Variants in FOXN2 observed in about 807,000 individuals in gnomAD.
FOXN2 encodes the protein forkhead box protein N2.
A neutral mutation model predicts 41.2 loss-of-function variants in FOXN2; 19 were observed. That is an observed-to-expected ratio of 0.46 (90% CI 0.32 to 0.68). The LOEUF (loss-of-function observed/expected upper bound fraction) is 0.68, where lower values mean the gene tolerates loss of function less well. Ranked by LOEUF, FOXN2 falls within the 30% of genes least tolerant of loss-of-function variation. The pLI is 0.03. For missense variants in FOXN2, 587 were observed against 509.4 expected (o/e 1.15, Z -1.47); for synonymous variants, 195 against 176.8 (o/e 1.10, Z -0.82).
rs750916063 is a variant in FOXN2, at chr2:48,375,202, A to G, written c.1055A>G (p.Asp352Gly). The G allele has an allele frequency of 3.1e-6, 5 of 1,614,176 alleles. No individual in the cohort carries two copies. In the South Asian group the frequency reaches 5.5e-5, roughly 18 times the overall value. Residue 352 changes from aspartate to glycine, a missense_variant, in exon 7 of 7, where the codon GAT (aspartate) becomes GGT (glycine). Physicochemically the swap from Asp to Gly is moderately conservative, Grantham distance 94. Coordinates refer to ENST00000340553, the MANE Select transcript of FOXN2 (RefSeq NM_002158.4). Reference protein sequence around the residue: ...DGSEGFHSEEDTDVDYEDDPL... With the variant: ...DGSEGFHSEEGTDVDYEDDPL... ...AGTGAAGGATTTCACAGTGAAGAAG[A>G]TACAGACGTTGATTATGAAGATGAT...
chr2:48,324,122 A>G (rs564359345), intron 1 of FOXN2, among the ~76,000 whole-genome samples: 6 of 152,274 alleles, frequency 3.9e-5, no homozygotes, highest in Admixed American at 3.3e-4. Flanking sequence ...GAAAGTGAAA[A>G]GGTCACAAAG....
At chr2:48,326,142 G>A (rs1046602223) in intron 1 of FOXN2, among the ~76,000 whole-genome samples, 1 of 152,142 alleles carries the variant, frequency 6.6e-6, no homozygotes, top group Non-Finnish European at 1.5e-5. Flanking sequence ...GAGCCACCGT[G>A]CCCGGCCTTC....
At chr2:48,325,258 A>G (rs1223339592) in intron 1 of FOXN2, among the ~76,000 whole-genome samples, 2 of 152,244 alleles carry the variant, frequency 1.3e-5, no homozygotes, top group Non-Finnish European at 2.9e-5. Context: ...TGCATATAAA[A>G]TAGACACTAA....
chr2:48,366,887 G>A (rs897044796), intron 5 of FOXN2, among the ~76,000 whole-genome samples: 2 of 151,244 alleles, frequency 1.3e-5, no homozygotes, highest in African/African-American at 2.4e-5. Context: ...AAGTGACATC[G>A]TCAGTTTTAT....
At chr2:48,326,807 G>A (rs1417539556) in intron 1 of FOXN2, among the ~76,000 whole-genome samples, 3 of 152,110 alleles carry the variant, frequency 2.0e-5, no homozygotes, top group Non-Finnish European at 4.4e-5. Context: ...AGATATATAT[G>A]AAACATAAAT....
intron 1 of FOXN2, among the ~76,000 whole-genome samples, chr2:48,319,558 T>C (rs1669150983): frequency 6.6e-6 from 1 of 151,916 alleles, no homozygotes; most frequent in Non-Finnish European, 1.5e-5. Flanking sequence ...CTAAAATATG[T>C]CATTAATACA....
intron 5 of FOXN2, among the ~76,000 whole-genome samples, chr2:48,364,772 T>A (rs917401882): frequency 6.6e-6 from 1 of 152,182 alleles, no homozygotes; most frequent in East Asian, 1.9e-4. Context: ...CAAAATCAAA[T>A]AACAATAAAA....
intron 5 of FOXN2, among the ~76,000 whole-genome samples, chr2:48,364,900 C>T (rs545278922): frequency 6.6e-6 from 1 of 152,334 alleles, no homozygotes; most frequent in African/African-American, 2.4e-5. Context: ...AGAAGTTTGT[C>T]ATCCCTCAAA....
chr2:48,344,840 A>AC (rs35784840), intron 2 of FOXN2, among the ~76,000 whole-genome samples: 11,776 of 128,454 alleles, frequency 0.092, 854 homozygotes, highest in Middle Eastern at 0.16. Context: ...CTCTGGAGGT[A>AC]CCCCCCCCCC....
intron 6 of FOXN2, among the ~76,000 whole-genome samples, chr2:48,374,178 C>T (rs1673087441): frequency 6.6e-6 from 1 of 151,368 alleles, no homozygotes; most frequent in South Asian, 2.1e-4. Flanking sequence ...CAAGTATATA[C>T]ATAAAAAGGA....
At chr2:48,344,215 G>A (rs1670951474) in intron 2 of FOXN2, among the ~76,000 whole-genome samples, 1 of 152,186 alleles carries the variant, frequency 6.6e-6, no homozygotes, top group Admixed American at 6.5e-5. Context: ...ATATGTGAAT[G>A]TTTATTTATG....
chr2:48,340,853 T>C (rs917218020), intron 2 of FOXN2: 1 of 152,154 alleles, frequency 6.6e-6, no homozygotes, highest in Non-Finnish European at 1.5e-5. Flanking sequence ...AAAATTCTCC[T>C]CGTGAATAAT....
intron 4 of FOXN2, among the ~76,000 whole-genome samples, chr2:48,361,346 A>AC (rs1174283966): frequency 6.6e-6 from 1 of 151,520 alleles, no homozygotes; most frequent in Non-Finnish European, 1.5e-5. Context: ...CGCGCCTGTA[A>AC]CCCCAGCTAC....
chr2:48,343,391 T>A (rs1670894273), intron 2 of FOXN2, among the ~76,000 whole-genome samples: 1 of 152,206 alleles, frequency 6.6e-6, no homozygotes. Flanking sequence ...CATTTCCATC[T>A]GAAATAATTA....
rs1424916330 is a variant in FOXN2, at chr2:48,328,658, C to T, written c.-59C>T. 1 of 152,168 alleles carries T rather than the reference C, an allele frequency of 6.6e-6. No homozygotes were observed. The highest frequency in any genetic ancestry group is 2.4e-5 in the African/African-American group (1 of 41,438). 9.4% of individuals were successfully genotyped at this position (152,168 alleles called of 1,614,324 possible). A position where few individuals can be genotyped will look rare whatever the true frequency, so the allele number is the denominator to read the frequency against. On this transcript the variant is annotated 5_prime_UTR_variant, in exon 2 of 7. Transcript: ENST00000340553. ...CTGCTGGTTGGCTAATAATTGGTCA[C>T]TGTATGACTTATAGTACAGGTGATA...
At chr2:48,369,311 G>T (rs760690084) in intron 5 of FOXN2, among the ~76,000 whole-genome samples, 1 of 152,182 alleles carries the variant, frequency 6.6e-6, no homozygotes, top group Non-Finnish European at 1.5e-5. Context: ...GCCAAGGCGG[G>T]TGGATCATCT....
intron 2 of FOXN2, among the ~76,000 whole-genome samples, chr2:48,344,841 C>A (rs1042896829): frequency 6.9e-5 from 1 of 14,522 alleles, no homozygotes; most frequent in South Asian, 2.8e-3. Context: ...TCTGGAGGTA[C>A]CCCCCCCCCC....
intron 3 of FOXN2, among the ~76,000 whole-genome samples, chr2:48,358,139 G>T (rs1462649386): frequency 6.7e-6 from 1 of 149,934 alleles, no homozygotes; most frequent in African/African-American, 2.5e-5. Context: ...CCTAACTTTT[G>T]CCTTTTATTC....
At chr2:48,327,910 A>T (rs1238170441) in intron 1 of FOXN2, among the ~76,000 whole-genome samples, 1 of 152,188 alleles carries the variant, frequency 6.6e-6, no homozygotes, top group East Asian at 1.9e-4. Context: ...TCAATATATT[A>T]AACCAATCAG....
Sources: allele counts gnomAD v4.1 joint callset (sites outside exome capture counted in the v4.1 genomes callset), GRCh38; gene constraint gnomAD v4.1.1; transcripts MANE v1.5; gene names NCBI Gene and HGNC (gene_info 2026-07-23, HGNC 2026-07-21).